Variants in ZNF682 observed in about 807,000 individuals in gnomAD.
ZNF682 encodes the protein zinc finger protein 682.
In ZNF682, 29 loss-of-function variants were observed where a neutral mutation model predicts 36.5. That is an observed-to-expected ratio of 0.80 (90% CI 0.59 to 1.08). The LOEUF (loss-of-function observed/expected upper bound fraction) is 1.08, where lower values mean the gene tolerates loss of function less well. Ranked by LOEUF, ZNF682 falls within the 50% of genes least tolerant of loss-of-function variation. ZNF682 has a pLI of 0.00. For missense variants in ZNF682, 561 were observed against 579.7 expected (o/e 0.97, Z 0.33); for synonymous variants, 180 against 197.0 (o/e 0.91, Z 0.72).
intron 1 of ZNF682, among the ~76,000 whole-genome samples, chr19:20,038,707 A>AGTT (rs2088556269): frequency 6.6e-6 from 1 of 152,194 alleles, no homozygotes; most frequent in Non-Finnish European, 1.5e-5. Context: ...AGCAACCACA[A>AGTT]ACCTTCAATT....
intron 3 of ZNF682, among the ~76,000 whole-genome samples, chr19:20,021,620 T>C (rs1047464492): frequency 6.6e-6 from 1 of 152,240 alleles, no homozygotes; most frequent in Non-Finnish European, 1.5e-5. Flanking sequence ...TAAATAGTTA[T>C]ATACTTTTAA....
chr19:20,025,379 G>A (rs1464984985), intron 1 of ZNF682, among the ~76,000 whole-genome samples: 1 of 152,126 alleles, frequency 6.6e-6, no homozygotes, highest in African/African-American at 2.4e-5. Flanking sequence ...CCAAGTGATT[G>A]AAATTAACAT....
chr19:20,006,301 C>T lies in ZNF682; in HGVS notation c.1201G>A (p.Glu401Lys), dbSNP rs1228233257. The change falls in exon 4 of 4, where the codon GAA becomes AAA. Residue 401 changes from glutamate (E) to lysine (K), a missense_variant. Coordinates refer to ENST00000397165, the MANE Select transcript of ZNF682 (RefSeq NM_033196.3). ...HTGEKPYKCE[E>K]CGKAFNWSSI... ...GACCAGTTAAAAGCTTTGCCACATTCTTCACATTTGTAGGGTTTCTCTCCA... is the reference window on the plus strand; with the variant it reads ...GACCAGTTAAAAGCTTTGCCACATTTTTCACATTTGTAGGGTTTCTCTCCA... 8 of 1,613,602 alleles carry T rather than the reference C, an allele frequency of 5.0e-6. No homozygotes were observed. In the African/African-American group the frequency reaches 9.3e-5, roughly 19 times the overall value.
chr19:20,018,710 C>G (rs1385312075), intron 3 of ZNF682, among the ~76,000 whole-genome samples: 1 of 151,942 alleles, frequency 6.6e-6, no homozygotes. Context: ...GTTACATGCA[C>G]CATATAAAAA....
chr19:20,020,682 A>G (rs1412585775), intron 3 of ZNF682, among the ~76,000 whole-genome samples: 1 of 152,214 alleles, frequency 6.6e-6, no homozygotes, highest in Non-Finnish European at 1.5e-5. Context: ...CTGACTGGAT[A>G]AAGAAAATAT....
intron 1 of ZNF682, 31 bp downstream of exon 1, chr19:20,039,312 C>G (rs756369998): frequency 3.0e-5 from 48 of 1,611,464 alleles, no homozygotes; most frequent in Non-Finnish European, 3.7e-5. Flanking sequence ...GCCCTGCCCC[C>G]ACCTCGGGAT....
chr19:20,035,737 TTTG>T (rs2088523561), intron 1 of ZNF682, among the ~76,000 whole-genome samples: 1 of 7,788 alleles, frequency 1.3e-4, no homozygotes, highest in African/African-American at 4.5e-4. Context: ...CAAAATACTG[TTTG>T]TTTGTTTTTT....
intron 1 of ZNF682, among the ~76,000 whole-genome samples, chr19:20,029,578 G>A (rs1374063710): frequency 6.9e-6 from 1 of 143,944 alleles, no homozygotes; most frequent in African/African-American, 2.6e-5. Flanking sequence ...TCCAGCCTGG[G>A]TGACAGAGTG....
intron 3 of ZNF682, among the ~76,000 whole-genome samples, chr19:19,998,022 A>T (rs1024106449): frequency 6.6e-6 from 1 of 152,116 alleles, no homozygotes; most frequent in Non-Finnish European, 1.5e-5. Context: ...AGATTCCCCC[A>T]TGCATTCACT....
chr19:20,038,987 C>G (rs1329428600), intron 1 of ZNF682, among the ~76,000 whole-genome samples: 1 of 152,238 alleles, frequency 6.6e-6, no homozygotes, highest in South Asian at 2.1e-4. Flanking sequence ...TGAGGACCCC[C>G]GGGATCACAG....
chr19:20,014,767 A>G (rs1205105287), intron 3 of ZNF682, among the ~76,000 whole-genome samples: 1 of 149,148 alleles, frequency 6.7e-6, no homozygotes, highest in Non-Finnish European at 1.5e-5. Context: ...CAACAGAGCG[A>G]GACTCCATCT....
chr19:20,030,886 G>A (rs1021690844), intron 1 of ZNF682: 1 of 152,076 alleles, frequency 6.6e-6, no homozygotes, highest in African/African-American at 2.4e-5. Context: ...CTCCCATCTA[G>A]GAACCAACCA....
intron 1 of ZNF682, among the ~76,000 whole-genome samples, chr19:20,036,934 A>G (rs2088536202): frequency 1.3e-5 from 2 of 151,738 alleles, no homozygotes; most frequent in South Asian, 2.1e-4. Context: ...ATAGTGAGCT[A>G]TGATCATGCC....
At chr19:20,027,725 C>T (rs567121159) in intron 1 of ZNF682, among the ~76,000 whole-genome samples, 21 of 151,520 alleles carry the variant, frequency 1.4e-4, no homozygotes, top group Admixed American at 9.2e-4. Context: ...CACCATTGCA[C>T]TCCAGCCTGG....
downstream of ZNF682, among the ~76,000 whole-genome samples, chr19:20,002,125 C>T (rs1349334744): frequency 2.6e-5 from 4 of 152,094 alleles, no homozygotes; most frequent in Non-Finnish European, 5.9e-5. Context: ...CTCTGTTGCC[C>T]AGGCTGGAGT....
chr19:20,006,956 A>C lies in ZNF682; in HGVS notation c.546T>G (p.Phe182Leu), dbSNP rs770212896. 1 of 1,613,296 alleles carries C rather than the reference A, an allele frequency of 6.2e-7. No homozygotes were observed. Among genetic ancestry groups the C allele is most frequent in the South Asian group, 1.1e-5 (1 of 90,986 alleles). The change falls in exon 4 of 4, where the codon TTT becomes TTG. Residue 182 changes from phenylalanine (F) to leucine (L), a missense_variant. Physicochemically the swap from Phe to Leu is conservative, Grantham distance 22. Transcript: ENST00000397165. ...GATAAGAAAGGCCTGAGTGAGATTT[A>C]AAGACTTTGCCACATTGCATACATT... is the stretch of plus-strand genomic sequence containing the variant. The part of the protein sequence containing the change: ...LFKCMQCGKV[F>L]KSHSGLSYHK...
At chr19:20,000,135 C>A, downstream of ZNF682, among the ~76,000 whole-genome samples, 1 of 152,234 alleles carries the variant, frequency 6.6e-6, no homozygotes, top group Non-Finnish European at 1.5e-5. Flanking sequence ...AGTAGCCTGG[C>A]GGGGCCTCTG....
intron 1 of ZNF682, among the ~76,000 whole-genome samples, chr19:20,038,698 G>GT (rs2088555943): frequency 6.6e-6 from 1 of 151,386 alleles, no homozygotes; most frequent in Non-Finnish European, 1.5e-5. Context: ...TCAGATTTAA[G>GT]CAACCACAAA....
intron 3 of ZNF682, among the ~76,000 whole-genome samples, chr19:20,016,913 C>A (rs576736161): frequency 6.6e-6 from 1 of 151,906 alleles, no homozygotes; most frequent in African/African-American, 2.4e-5. Context: ...TTAATAGATA[C>A]GCAATACGAA....
Sources: allele counts gnomAD v4.1 joint callset (sites outside exome capture counted in the v4.1 genomes callset), GRCh38; gene constraint gnomAD v4.1.1; transcripts MANE v1.5; gene names NCBI Gene and HGNC (gene_info 2026-07-23, HGNC 2026-07-21).